Variants in TUB observed in about 807,000 individuals in gnomAD.
The protein encoded by TUB is tubby protein homolog.
Under a neutral mutation model 59.7 loss-of-function variants are expected in TUB, and 33 were observed. That is an observed-to-expected ratio of 0.55 (90% CI 0.42 to 0.74). The LOEUF is 0.74. Among genes scored for constraint, TUB ranks in the 30% least tolerant of loss-of-function variants. The pLI, the probability that TUB is intolerant of heterozygous loss-of-function variation, is 0.00. For missense variants in TUB, 659 were observed against 672.0 expected, an observed-to-expected ratio of 0.98 and a Z score of 0.21; for synonymous variants, 293 against 256.4, an observed-to-expected ratio of 1.14 and a Z score of -1.36.
chr11:8,101,197 T>C (rs772924526), intron 11 of TUB, among the ~76,000 whole-genome samples, 200 bp downstream of exon 11: 1 of 152,172 alleles, frequency 6.6e-6, no homozygotes, highest in Non-Finnish European at 1.5e-5. Flanking sequence ...TGGTCCTAGA[T>C]TCTGTGTATT....
chr11:8,024,229 C>T (rs1031033694), intron 1 of TUB, among the ~76,000 whole-genome samples: 2 of 152,232 alleles, frequency 1.3e-5, no homozygotes, highest in African/African-American at 2.4e-5. Flanking sequence ...CAGCACGACT[C>T]TAGCCCGGCG....
intron 2 of TUB, among the ~76,000 whole-genome samples, chr11:8,065,305 AGGGCATTGGT>A (rs1304334992): frequency 6.6e-6 from 1 of 152,164 alleles, no homozygotes. Context: ...CCATGGGGCC[AGGGCATTGGT>A]GGTGCTGGAG....
chr11:8,027,975 G>C (rs779908353), intron 1 of TUB, among the ~76,000 whole-genome samples: 2 of 152,174 alleles, frequency 1.3e-5, no homozygotes, highest in Non-Finnish European at 2.9e-5. Context: ...ATTGCTGTTT[G>C]GTAATGATAA....
chr11:8,066,458 C>T (rs1417512424), intron 2 of TUB, among the ~76,000 whole-genome samples: 7 of 152,188 alleles, frequency 4.6e-5, no homozygotes, highest in African/African-American at 7.2e-5. Flanking sequence ...ACCCGGATCC[C>T]AGTCCCAGCC....
chr11:8,089,649 G>A lies in TUB; in HGVS notation c.78G>A (p.Lys26=), dbSNP rs61733960. The A allele has an allele frequency of 3.0e-3, 4,870 of 1,614,212 alleles. 120 individuals are homozygous for A. In the African/African-American group the frequency reaches 0.053, roughly 18 times the overall value. ...AGGGCAGAAACCTGAGGCAGCAGAAGCTTGATCGGCAGGTGAGTAGGCCTG... is the reference window on the plus strand; with the variant it reads ...AGGGCAGAAACCTGAGGCAGCAGAAACTTGATCGGCAGGTGAGTAGGCCTG... ...DDEGRNLRQQ[K]LDRQRALLEQ... is the part of the protein sequence containing the mutation. The change falls in exon 2 of 12, where the codon AAG becomes AAA. Residue 26 remains lysine, a synonymous_variant. Coordinates refer to ENST00000299506, the MANE Select transcript of TUB (RefSeq NM_177972.3).
chr11:8,058,601 A>G (rs1263706700), intron 2 of TUB, among the ~76,000 whole-genome samples: 1 of 152,252 alleles, frequency 6.6e-6, no homozygotes, highest in African/African-American at 2.4e-5. Flanking sequence ...ATAGCAGAAA[A>G]CAAAGATTTT....
At position 8,097,774 on chromosome 11, in the gene TUB, G is replaced by A. The variant is rs1944063274; in HGVS notation, c.946G>A (p.Val316Met). 1 of 1,614,114 alleles carries A rather than the reference G, an allele frequency of 6.2e-7. No homozygotes were observed. Among genetic ancestry groups the A allele is most frequent in the African/African-American group, 1.3e-5 (1 of 75,036 alleles). ...TAAAACTTCCAATTACCTCATCTCT[G>A]TGGACCCAACAGACTTGTCTCGAGG... is the stretch of plus-strand genomic sequence containing the variant. ...KSKTSNYLISVDPTDLSRGGD... is the reference protein window; with the variant it reads ...KSKTSNYLISMDPTDLSRGGD... Residue 316 changes from valine to methionine, a missense_variant, in exon 8 of 12, where the codon GTG becomes ATG. Around this residue, in one of 3 missense-constraint regions of TUB, gnomAD observed 112 missense variants for 156.9 expected, o/e 0.71. Coordinates refer to ENST00000299506, the MANE Select transcript of TUB (RefSeq NM_177972.3).
At chr11:8,020,117 C>T (rs896038418) in intron 1 of TUB, among the ~76,000 whole-genome samples, 3 of 152,240 alleles carry the variant, frequency 2.0e-5, no homozygotes, top group Non-Finnish European at 4.4e-5. Context: ...CCTGTTCTAC[C>T]TTTTGTTGGT....
At chr11:8,070,170 A>G (rs1331607455) in intron 2 of TUB, among the ~76,000 whole-genome samples, 1 of 151,182 alleles carries the variant, frequency 6.6e-6, no homozygotes, top group Non-Finnish European at 1.5e-5. Context: ...CAAGTTTCAG[A>G]ATCCCCTTGG....
chr11:8,072,047 C>T (rs1943369105), intron 2 of TUB, among the ~76,000 whole-genome samples: 1 of 152,204 alleles, frequency 6.6e-6, no homozygotes, highest in Non-Finnish European at 1.5e-5. Context: ...GAAGGGGCCA[C>T]TCTGCAGCAG....
exon 1 of TUB, chr11:8,038,785 C>G: frequency 1.3e-6 from 2 of 1,542,960 alleles, no homozygotes; most frequent in Non-Finnish European, 1.7e-6. Flanking sequence ...AGTACTGAGG[C>G]GAATACAGGG....
chr11:8,077,451 C>T (rs1943467472), upstream of TUB: 2 of 152,232 alleles, frequency 1.3e-5, no homozygotes, highest in South Asian at 2.1e-4. Flanking sequence ...GTGCATTGGG[C>T]ATGTACTCTC....
At chr11:8,059,907 G>T (rs1943089587) in intron 2 of TUB, 1 of 152,684 alleles carries the variant, frequency 6.5e-6, no homozygotes, top group East Asian at 1.9e-4. Context: ...CCTCGATCCG[G>T]GCAGAGGCAC....
chr11:8,099,350 A>G (rs1944151070), intron 9 of TUB, among the ~76,000 whole-genome samples: 1 of 152,114 alleles, frequency 6.6e-6, no homozygotes, highest in Non-Finnish European at 1.5e-5. Flanking sequence ...CTGGAATATA[A>G]ATATAGGGGA....
At chr11:8,033,089 TG>T (rs1211494334) in intron 1 of TUB, among the ~76,000 whole-genome samples, 2 of 152,088 alleles carry the variant, frequency 1.3e-5, no homozygotes, top group Admixed American at 6.5e-5. Flanking sequence ...CAATATGATC[TG>T]GGGGGGAACC....
At chr11:8,101,402 T>G in intron 11 of TUB, 84 bp from the exon 12 acceptor site, 1 of 1,534,880 alleles carries the variant, frequency 6.5e-7, no homozygotes, top group Non-Finnish European at 9.0e-7. Context: ...TTCCCTCATG[T>G]GGTTTGGGTG....
chr11:8,071,173 C>T (rs1943353869), intron 2 of TUB, among the ~76,000 whole-genome samples: 1 of 152,160 alleles, frequency 6.6e-6, no homozygotes, highest in Non-Finnish European at 1.5e-5. Flanking sequence ...TTACGGAGTG[C>T]ATCCTGCGCT....
At chr11:8,035,218 C>T (rs1942629559), upstream of TUB, among the ~76,000 whole-genome samples, 1 of 152,162 alleles carries the variant, frequency 6.6e-6, no homozygotes, top group African/African-American at 2.4e-5. Flanking sequence ...AAAATCAAAC[C>T]TTTAATAAAG....
chr11:8,052,757 G>A (rs1436306225), intron 2 of TUB, among the ~76,000 whole-genome samples: 1 of 152,170 alleles, frequency 6.6e-6, no homozygotes, highest in East Asian at 1.9e-4. Context: ...TTACAGGCGT[G>A]AGCCACTGTG....
Sources: allele counts gnomAD v4.1 joint callset (sites outside exome capture counted in the v4.1 genomes callset), GRCh38; gene constraint gnomAD v4.1.1; regional missense constraint gnomAD v4.1.1; transcripts MANE v1.5; gene names NCBI Gene and HGNC (gene_info 2026-07-23, HGNC 2026-07-21).